The following SPATA3 variants were observed in gnomAD, a reference collection of about 807,000 sequenced individuals.
SPATA3 encodes the protein spermatogenesis-associated protein 3.
SPATA3 carries 6 observed loss-of-function variants against 5.7 expected under a neutral mutation model. That is an observed-to-expected ratio of 1.06 (90% CI 0.58 to 2.09). The LOEUF is 2.09. Ranked by LOEUF, SPATA3 falls within the 30% of genes most tolerant of loss-of-function variation. SPATA3 has a pLI of 0.00. For synonymous variants in SPATA3, 44 were observed against 48.4 expected (o/e 0.91, Z 0.37); for missense variants, 155 against 130.4 (o/e 1.19, Z -0.92).
At chr2:231,009,729 G>A (rs746610324), downstream of SPATA3, among the ~76,000 whole-genome samples, 7 of 152,200 alleles carry the variant, frequency 4.6e-5, no homozygotes, top group South Asian at 2.1e-4. Context: ...TGACACATCC[G>A]CTACTCTGTG....
At chr2:230,996,615 G>A (rs1447006790) in intron 1 of SPATA3, 81 bp downstream of exon 1, 2 of 1,476,714 alleles carry the variant, frequency 1.4e-6, no homozygotes. Flanking sequence ...GTTCTTGTAG[G>A]ATAGTGATGC....
At chr2:231,019,258 C>A (rs561555971) in intron 6 of SPATA3, among the ~76,000 whole-genome samples, 1 of 151,514 alleles carries the variant, frequency 6.6e-6, no homozygotes, top group Non-Finnish European at 1.5e-5. Flanking sequence ...AGTGAGCCAC[C>A]GTGCCAGGCC....
chr2:231,001,924 C>T (rs960083126), intron 2 of SPATA3, among the ~76,000 whole-genome samples: 1 of 152,208 alleles, frequency 6.6e-6, no homozygotes, highest in Non-Finnish European at 1.5e-5. Context: ...TTCCTGTCAA[C>T]AGCATGTGAG....
rs78193105 is a variant in SPATA3 at position 231,000,654 on chromosome 2, A to G, written c.962+117A>G. 1,734 of 1,131,462 alleles carry G rather than the reference A, an allele frequency of 1.5e-3. 32 individuals carry two copies. The East Asian group carries it at 0.039, about 25-fold the overall frequency. 70.1% of individuals were successfully genotyped at this position (1,131,462 alleles called of 1,614,324 possible). ...CTCTTGGGAATCCCAGGCCGAAGGA[A>G]AGCCTTTCTTTCCCTCTTTGCTTTG... On this transcript the variant is annotated intron_variant, in intron 2 of 2. Transcript: ENST00000645363.
At chr2:231,016,525 G>A (rs3887839) in intron 6 of SPATA3, among the ~76,000 whole-genome samples, 41,925 of 125,504 alleles carry the variant, frequency 0.33, 7,845 homozygotes, top group African/African-American at 0.46. Context: ...AAAAAAAAAA[G>A]AAGAAGAAGG....
At chr2:231,014,072 G>C (rs182620455) in exon 6 of SPATA3, 2 of 152,062 alleles carry the variant, frequency 1.3e-5, no homozygotes, top group Non-Finnish European at 2.9e-5. Flanking sequence ...ATTCCTTGGG[G>C]GTTAGACACC....
At chr2:231,005,418 T>C (rs1374731498), downstream of SPATA3, among the ~76,000 whole-genome samples, 19 of 23,994 alleles carry the variant, frequency 7.9e-4, no homozygotes, top group East Asian at 1.6e-3. Context: ...AGTATCAGCA[T>C]CATCACCACC....
At chr2:231,006,194 G>C (rs1191560974), downstream of SPATA3, among the ~76,000 whole-genome samples, 2 of 80,170 alleles carry the variant, frequency 2.5e-5, no homozygotes, top group East Asian at 4.2e-4. Context: ...ATGAGACCCT[G>C]TCTCAAGAAA....
chr2:231,008,582 T>A (rs1377052371), downstream of SPATA3, among the ~76,000 whole-genome samples: 1 of 151,360 alleles, frequency 6.6e-6, no homozygotes. Flanking sequence ...CTGAAACAGG[T>A]GTGGGAGTTG....
downstream of SPATA3, among the ~76,000 whole-genome samples, chr2:231,008,610 G>C (rs116613134): frequency 0.013 from 1,973 of 152,128 alleles, 43 homozygotes; most frequent in African/African-American, 0.045. Flanking sequence ...TCGTGTTGTG[G>C]TCCTGTCCTG....
intron 2 of SPATA3, among the ~76,000 whole-genome samples, chr2:231,001,296 GA>G (rs1172511037): frequency 6.6e-6 from 1 of 152,174 alleles, no homozygotes; most frequent in Non-Finnish European, 1.5e-5. Flanking sequence ...TGGGCTGGGA[GA>G]GGGGTCGCCA....
downstream of SPATA3, among the ~76,000 whole-genome samples, chr2:231,005,262 TTAC>T (rs1692536051): frequency 6.6e-5 from 1 of 15,066 alleles, no homozygotes; most frequent in African/African-American, 2.5e-4. Flanking sequence ...ACCATCATCA[TTAC>T]CATCATCACC....
intron 5 of SPATA3, among the ~76,000 whole-genome samples, chr2:231,013,637 T>G (rs1692851495): frequency 6.6e-6 from 1 of 152,120 alleles, no homozygotes; most frequent in South Asian, 2.1e-4. Flanking sequence ...ATTACGGGCA[T>G]GTGCCACCAT....
At chr2:231,006,858 C>T (rs1692645179), downstream of SPATA3, 1 of 152,214 alleles carries the variant, frequency 6.6e-6, no homozygotes, top group Admixed American at 6.5e-5. Context: ...AAGCAAAGGA[C>T]TTCTTTCCCA....
chr2:231,000,822 A>T (rs1692326093), intron 2 of SPATA3, among the ~76,000 whole-genome samples: 2 of 151,818 alleles, frequency 1.3e-5, no homozygotes, highest in Admixed American at 6.6e-5. Context: ...TTCTCCAGAG[A>T]TGCCCTCCCC....
chr2:231,004,464 G>A (rs1025101616), downstream of SPATA3, among the ~76,000 whole-genome samples: 68 of 152,120 alleles, frequency 4.5e-4, no homozygotes, highest in Non-Finnish European at 1.3e-4. Context: ...TTAGAGACAC[G>A]TTTCTTAATT....
chr2:231,009,577 C>T (rs1382387498), downstream of SPATA3, among the ~76,000 whole-genome samples: 1 of 152,228 alleles, frequency 6.6e-6, no homozygotes, highest in African/African-American at 2.4e-5. Context: ...CACCTGGGCT[C>T]ATCTCTCCCA....
chr2:231,019,378 C>T (rs1486585548), intron 6 of SPATA3, among the ~76,000 whole-genome samples: 1 of 149,780 alleles, frequency 6.7e-6, no homozygotes, highest in East Asian at 2.0e-4. Context: ...GGCTGGAGTG[C>T]AGTGGTGCGA....
chr2:230,997,762 G>C (rs948730473), intron 1 of SPATA3, among the ~76,000 whole-genome samples: 3 of 152,230 alleles, frequency 2.0e-5, no homozygotes, highest in Non-Finnish European at 4.4e-5. Context: ...GGGAATTCAA[G>C]TGGAGTTCAG....
Sources: allele counts gnomAD v4.1 joint callset (sites outside exome capture counted in the v4.1 genomes callset), GRCh38; gene constraint gnomAD v4.1.1; transcripts MANE v1.5; gene names NCBI Gene and HGNC (gene_info 2026-07-23, HGNC 2026-07-21).